Variants in CRTC3 observed in about 807,000 individuals in gnomAD.
CRTC3 encodes the protein CREB-regulated transcription coactivator 3.
A neutral mutation model predicts 74.5 loss-of-function variants in CRTC3; 26 were observed. The ratio of observed to expected loss-of-function variants is 0.35; its 90% CI spans 0.26 to 0.48. The LOEUF (loss-of-function observed/expected upper bound fraction) is 0.48. Ranked by LOEUF, CRTC3 falls within the 20% of genes least tolerant of loss-of-function variation. The probability of loss-of-function intolerance (pLI) is 0.99; values close to 1 mark genes in which losing one functional copy is unlikely to be tolerated. For missense variants in CRTC3, 760 were observed against 787.3 expected (o/e 0.97, Z 0.41); for synonymous variants, 377 against 325.8 (o/e 1.16, Z -1.69).
chr15:90,617,414 A>C (rs1161440780), intron 7 of CRTC3, among the ~76,000 whole-genome samples: 3 of 152,260 alleles, frequency 2.0e-5, no homozygotes, highest in African/African-American at 7.2e-5. Flanking sequence ...TAGACAGTCC[A>C]TAAATGAGTC....
Position 90,614,482 on chromosome 15 carries a change from G to A in CRTC3, c.607G>A (p.Gly203Arg), listed in dbSNP as rs201478694. The change falls in exon 7 of 15, where the codon GGG becomes AGG. Residue 203 changes from glycine (G) to arginine (R), a missense_variant. Physicochemically the swap from Gly to Arg is moderately radical, Grantham distance 125. Transcript: ENST00000268184. ...GFCDGENNGH[G>R]EVASFPGPLK... Reference sequence around the variant, plus strand: ...CTGTGATGGTGAGAATAATGGACATGGGGAAGGTATGAACTGATTTTACCT... The same window carrying A: ...CTGTGATGGTGAGAATAATGGACATAGGGAAGGTATGAACTGATTTTACCT... 2.5e-6 allele frequency: 4 copies of A among 1,608,928 alleles called. No homozygotes were observed. Among genetic ancestry groups the A allele is most frequent in the Non-Finnish European group, 3.4e-6 (4 of 1,175,666 alleles).
intron 5 of CRTC3, among the ~76,000 whole-genome samples, chr15:90,605,784 A>G (rs920468448): frequency 2.2e-4 from 33 of 152,202 alleles, no homozygotes; most frequent in African/African-American, 8.0e-4. Flanking sequence ...TAGGCTAATG[A>G]AGTTGCTTAC....
At chr15:90,613,410 C>T (rs1025961309) in intron 6 of CRTC3, among the ~76,000 whole-genome samples, 7 of 152,220 alleles carry the variant, frequency 4.6e-5, no homozygotes, top group East Asian at 3.9e-4. Flanking sequence ...TCGACCTCTT[C>T]GTATTCCTGG....
intron 7 of CRTC3, 79 bp from the exon 8 acceptor site, chr15:90,617,804 T>A: frequency 1.1e-6 from 1 of 924,422 alleles, no homozygotes; most frequent in South Asian, 1.3e-5. Context: ...GTGCTAGGAT[T>A]ATAGGCGTGA....
In CRTC3 at chr15:90,643,707, G is replaced by C. The variant is rs559847395; in HGVS notation, c.*1567G>C. 8.6e-6 allele frequency: 2 copies of C among 232,814 alleles called. No homozygotes were observed. Among genetic ancestry groups the C allele is most frequent in the East Asian group, 1.2e-4 (2 of 16,548 alleles). The allele number at this position is 232,814 out of a possible 1,614,324, so 14.4% of individuals were successfully genotyped here. A position where few individuals can be genotyped will look rare whatever the true frequency, so the allele number is the denominator to read the frequency against. ...TTGGGTGATGCCAGTAGGTTTGAAG[G>C]GGGCAGAGCACTGCAGGGGGAGGGG... is the stretch of plus-strand genomic sequence containing the variant. On this transcript the variant is annotated 3_prime_UTR_variant, in exon 15 of 15. Coordinates refer to ENST00000268184, the MANE Select transcript of CRTC3 (RefSeq NM_022769.5).
Position 90,634,980 on chromosome 15 carries a change from A to C in CRTC3, c.1267-3466A>C. ...AGGCACCAAAGTAGTTCTAGATGAC[A>C]AGGATTATTTCCTATTTAGAGATGG... On this transcript the variant is annotated intron_variant, in intron 11 of 14. Coordinates refer to ENST00000268184, the MANE Select transcript of CRTC3 (RefSeq NM_022769.5). 2.8e-6 allele frequency: 4 copies of C among 1,435,298 alleles called. No individual in the cohort carries two copies. In the South Asian group the frequency reaches 4.6e-5, roughly 16 times the overall value. 88.9% of individuals were successfully genotyped at this position (1,435,298 alleles called of 1,614,324 possible). A position where few individuals can be genotyped will look rare whatever the true frequency, so the allele number is the denominator to read the frequency against.
rs375392851 is a variant in CRTC3, at chr15:90,547,279, T to C, written c.231+7142T>C. On this transcript the variant is annotated intron_variant, in intron 2 of 14. Transcript: ENST00000268184. ...CAGCAATTTGCAATATATGATACAT[T>C]GTTATTAACTTTAGCAATCATGATG... Among the ~76,000 whole-genome samples, 23 of 152,324 alleles carry C rather than the reference T, an allele frequency of 1.5e-4. No individual in the cohort carries two copies. In the East Asian group the frequency reaches 1.9e-3, roughly 13 times the overall value.
chr15:90,626,070 T>C, intron 10 of CRTC3, 77 bp downstream of exon 10: 1 of 1,056,798 alleles, frequency 9.5e-7, no homozygotes, highest in Admixed American at 1.7e-5. Flanking sequence ...GTTCAGTGAA[T>C]CATTGAATGA....
intron 11 of CRTC3, among the ~76,000 whole-genome samples, chr15:90,635,608 G>A (rs1048612475): frequency 2.6e-5 from 4 of 152,126 alleles, no homozygotes; most frequent in African/African-American, 9.7e-5. Context: ...TCATGCCACT[G>A]CACTCCAGCT....
intron 1 of CRTC3, among the ~76,000 whole-genome samples, chr15:90,532,215 G>A (rs1966639239): frequency 6.6e-6 from 1 of 152,146 alleles, no homozygotes; most frequent in East Asian, 1.9e-4. Context: ...AAACACATCT[G>A]TAAATGATAA....
chr15:90,569,024 T>G (rs7173175), intron 2 of CRTC3, among the ~76,000 whole-genome samples: 102,584 of 150,482 alleles, frequency 0.68, 36,185 homozygotes, highest in Non-Finnish European at 0.77. Context: ...ACAGAGTTTC[T>G]CCCGGTCACC....
intron 2 of CRTC3, among the ~76,000 whole-genome samples, chr15:90,591,346 C>T (rs1967796363): frequency 6.6e-6 from 1 of 152,020 alleles, no homozygotes; most frequent in Non-Finnish European, 1.5e-5. Flanking sequence ...TCTCAAACTC[C>T]TGGCCTCAAG....
chr15:90,606,858 G>C (rs7174232), intron 5 of CRTC3: 33,883 of 152,290 alleles, frequency 0.22, 3,937 homozygotes, highest in African/African-American at 0.27. Flanking sequence ...GTGGCCGCTG[G>C]GGAAGCCCGC....
intron 6 of CRTC3, among the ~76,000 whole-genome samples, chr15:90,612,119 C>G (rs2151085777): frequency 6.7e-6 from 1 of 148,182 alleles, no homozygotes; most frequent in South Asian, 2.2e-4. Context: ...TCACACTGGG[C>G]ATCCCCTTCA....
intron 9 of CRTC3, among the ~76,000 whole-genome samples, chr15:90,621,910 C>T (rs1419872242): frequency 1.3e-5 from 2 of 152,186 alleles, no homozygotes; most frequent in East Asian, 3.8e-4. Flanking sequence ...CAAGTTCCTG[C>T]TTTCGAGGAG....
Position 90,638,819 on chromosome 15 carries a change from G to T in CRTC3, c.1548+4G>T. 6.2e-7 allele frequency: 1 copy of T among 1,612,566 alleles called. No individual in the cohort carries two copies. The highest frequency in any genetic ancestry group is 1.1e-5 in the South Asian group (1 of 91,046). ...AGGCCCTGCCTTTCCTCAACAGGTG[G>T]GTGATCGCCCCTGCCTTCTCCTCCC... On this transcript the variant is annotated splice_donor_region_variant and intron_variant, in intron 13 of 14. Coordinates refer to ENST00000268184, the MANE Select transcript of CRTC3 (RefSeq NM_022769.5).
intron 1 of CRTC3, among the ~76,000 whole-genome samples, chr15:90,535,770 C>T (rs1039017105): frequency 2.0e-5 from 3 of 152,212 alleles, no homozygotes; most frequent in South Asian, 4.1e-4. Flanking sequence ...TTTCCTTTTG[C>T]GAGGCACTGT....
At chr15:90,620,144 C>T (rs1051433095) in intron 9 of CRTC3, 4 of 258,998 alleles carry the variant, frequency 1.5e-5, no homozygotes, top group East Asian at 1.1e-4. Context: ...CTGTGGGCAT[C>T]GGTGACATCC....
chr15:90,641,427 G>GAA (rs1186156458), intron 14 of CRTC3, among the ~76,000 whole-genome samples: 1 of 152,180 alleles, frequency 6.6e-6, no homozygotes, highest in African/African-American at 2.4e-5. Flanking sequence ...GCCCAGTGCG[G>GAA]TGGCTCACGC....
Sources: gnomAD v4.1 joint callset for allele counts (sites outside exome capture counted in the v4.1 genomes callset) on GRCh38, gnomAD v4.1.1 for gene constraint, MANE v1.5 for transcripts, NCBI Gene and HGNC (gene_info 2026-07-23, HGNC 2026-07-21) for gene names.